Variants in STX16 observed in about 807,000 individuals in gnomAD.
The protein encoded by STX16 is syntaxin-16.
A neutral mutation model predicts 42.7 loss-of-function variants in STX16; 28 were observed. The observed-to-expected ratio is 0.66, with a 90% CI of 0.49 to 0.90. The LOEUF (loss-of-function observed/expected upper bound fraction) is 0.90. Among genes scored for constraint, STX16 ranks in the 40% least tolerant of loss-of-function variants. The pLI, the probability that STX16 is intolerant of heterozygous loss-of-function variation, is 0.00. For missense variants in STX16, 361 were observed against 420.9 expected (o/e 0.86, Z 1.24); for synonymous variants, 156 against 155.2 (o/e 1.00, Z -0.04).
rs2083976245 is a variant in STX16, at chr20:58,671,478, T to G, written c.792+181T>G. Among the ~76,000 whole-genome samples the G allele has an allele frequency of 1.1e-4, 4 of 35,686 alleles. No homozygotes were observed. In the South Asian group the frequency reaches 3.1e-3, roughly 28 times the overall value. 23.4% of individuals were successfully genotyped at this position (35,686 alleles called of 152,430 possible). A position where few individuals can be genotyped will look rare whatever the true frequency, so the allele number is the denominator to read the frequency against. On this transcript the variant is annotated intron_variant, in intron 7 of 8. Coordinates refer to ENST00000371141, the MANE Select transcript of STX16 (RefSeq NM_001001433.3). The stretch of plus-strand genomic sequence containing the variant: ...TGTGTGTGTGTGTGTGTGTGTATAT[T>G]AATATTAATCAAATATTAAATTTGA...
intron 6 of STX16, 72 bp from the exon 7 acceptor site, chr20:58,671,082 C>A: frequency 7.4e-7 from 1 of 1,352,554 alleles, no homozygotes; most frequent in Non-Finnish European, 1.0e-6. Flanking sequence ...TAAATTATAT[C>A]TAAACAAGTA....
chr20:58,655,048 A>C (rs935009853), intron 1 of STX16, among the ~76,000 whole-genome samples: 1 of 152,232 alleles, frequency 6.6e-6, no homozygotes, highest in African/African-American at 2.4e-5. Flanking sequence ...CACTCAGGCA[A>C]TTTGAAAGGA....
intron 5 of STX16, among the ~76,000 whole-genome samples, chr20:58,669,872 T>C (rs2083929150): frequency 6.6e-6 from 1 of 152,226 alleles, no homozygotes; most frequent in Admixed American, 6.5e-5. Flanking sequence ...TGAGAGCACC[T>C]GAGAAAACCT....
chr20:58,667,536 C>G lies in STX16; in HGVS notation c.191C>G (p.Pro64Arg). The change falls in exon 3 of 9, where the codon CCA (proline) becomes CGA (arginine). Residue 64 changes from proline to arginine, a missense_variant. By Grantham distance (103) the Pro-to-Arg change is moderately radical. Coordinates refer to ENST00000371141, the MANE Select transcript of STX16 (RefSeq NM_001001433.3). Reference sequence around the variant, plus strand: ...CTGGTGTCAGGCATCAGCTTAGATCCAGAAGCAGCGATTGGTGTGACAAAA... The same window carrying G: ...CTGGTGTCAGGCATCAGCTTAGATCGAGAAGCAGCGATTGGTGTGACAAAA... ...MALVSGISLD[P>R]EAAIGVTKRP... is the part of the protein sequence containing the mutation. The G allele has an allele frequency of 6.2e-7, 1 of 1,614,104 alleles. No individual in the cohort carries two copies. Among genetic ancestry groups the G allele is most frequent in the Non-Finnish European group, 8.5e-7 (1 of 1,180,020 alleles).
intron 1 of STX16, 46 bp from the exon 2 acceptor site, chr20:58,659,577 C>T (rs777293998): frequency 7.7e-5 from 123 of 1,596,506 alleles, no homozygotes; most frequent in Non-Finnish European, 9.8e-5. Flanking sequence ...TTTCTTTGTG[C>T]TTTCCCCAAC....
At chr20:58,662,510 CATTTAT>C (rs1383774323) in intron 2 of STX16, among the ~76,000 whole-genome samples, 2 of 151,992 alleles carry the variant, frequency 1.3e-5, no homozygotes, top group Non-Finnish European at 2.9e-5. Flanking sequence ...TTTTTTGTAT[CATTTAT>C]TTTTATTTTT....
chr20:58,678,412 G>A lies in STX16; in HGVS notation c.*2121G>A, dbSNP rs1356090285. 1 of 152,090 alleles carries A rather than the reference G, an allele frequency of 6.6e-6. No homozygotes were observed. The highest frequency in any genetic ancestry group is 1.5e-5 in the Non-Finnish European group (1 of 68,072). The allele number at this position is 152,090 out of a possible 1,614,324, so 9.4% of individuals were successfully genotyped here. On this transcript the variant is annotated 3_prime_UTR_variant, in exon 9 of 9. Coordinates refer to ENST00000371141, the MANE Select transcript of STX16 (RefSeq NM_001001433.3). ...TCACGCCTGTAATCCCAGACTTTGA[G>A]AGGCCAAGGCGGTCACGAGGTCAGG...
intron 6 of STX16, 34 bp from the exon 7 acceptor site, chr20:58,671,120 A>T: frequency 5.8e-6 from 9 of 1,564,360 alleles, no homozygotes; most frequent in Non-Finnish European, 7.8e-6. Flanking sequence ...GAGGGAAAAC[A>T]ATCTATCCAA....
chr20:58,668,259 G>A, intron 4 of STX16, 132 bp downstream of exon 4: 1 of 1,161,728 alleles, frequency 8.6e-7, no homozygotes, highest in Middle Eastern at 2.8e-4. Flanking sequence ...ACCTCAAGAG[G>A]CCCTGAAGTC....
Position 58,657,167 on chromosome 20 carries a change from T to C in STX16, c.133-2456T>C, listed in dbSNP as rs1364308848. On this transcript the variant is annotated intron_variant, in intron 1 of 8. Coordinates refer to ENST00000371141, the MANE Select transcript of STX16 (RefSeq NM_001001433.3). This position sits in a 1 kb window ranked among gnomAD's most constrained non-coding sequence, Gnocchi z 4.2. Reference sequence around the variant, plus strand: ...GCTAGCATCTTTCTTTATCTCACTTTATGAACCTTACATAGTCAATTTTAA... The same window carrying C: ...GCTAGCATCTTTCTTTATCTCACTTCATGAACCTTACATAGTCAATTTTAA... Among the ~76,000 whole-genome samples the C allele has an allele frequency of 6.6e-6, 1 of 152,262 alleles. No homozygotes were observed. The highest frequency in any genetic ancestry group is 1.9e-4 in the East Asian group (1 of 5,204).
Position 58,671,426 on chromosome 20 carries a change from ATGTGTGTGTGGGTGTG to A in STX16, c.792+140_792+155del, listed in dbSNP as rs1265565804. Reference sequence around the variant, plus strand: ...CAACATGTGTGTGCACCTGTCCTTTATGTGTGTGTGGGTGTGTGTGTGTGTGTGTGTGTGTGTGTGT... The same window carrying A: ...CAACATGTGTGTGCACCTGTCCTTTATGTGTGTGTGTGTGTGTGTGTGTGT... On this transcript the variant is annotated intron_variant, in intron 7 of 8. Coordinates refer to ENST00000371141, the MANE Select transcript of STX16 (RefSeq NM_001001433.3). 1.6e-4 allele frequency: 77 copies of A among 476,886 alleles called. 1 individual carries two copies. Among genetic ancestry groups the A allele is most frequent in the Middle Eastern group, 5.7e-4 (1 of 1,752 alleles). 29.5% of individuals were successfully genotyped at this position (476,886 alleles called of 1,614,324 possible). A position where few individuals can be genotyped will look rare whatever the true frequency, so the allele number is the denominator to read the frequency against.
rs563546650 is a variant in STX16 at position 58,672,314 on chromosome 20, A to G, written c.792+1017A>G. ...ACCATTGCACTCCAGCCTGGGCAAC[A>G]AGAGTGAAACTCTGTCTCAAAAAAT... On this transcript the variant is annotated intron_variant, in intron 7 of 8. Coordinates refer to ENST00000371141, the MANE Select transcript of STX16 (RefSeq NM_001001433.3). Among the ~76,000 whole-genome samples the G allele has an allele frequency of 3.3e-5, 5 of 152,238 alleles. No homozygotes were observed. In the East Asian group the frequency reaches 9.7e-4, roughly 29 times the overall value.
chr20:58,675,863 A>G (rs956964969), intron 8 of STX16, among the ~76,000 whole-genome samples: 3 of 152,190 alleles, frequency 2.0e-5, no homozygotes, highest in South Asian at 4.1e-4. Context: ...CACGGCCTGC[A>G]GGAGGAAAAG....
intron 1 of STX16, among the ~76,000 whole-genome samples, chr20:58,652,720 C>T (rs1303880029): frequency 6.6e-6 from 1 of 152,086 alleles, no homozygotes; most frequent in Non-Finnish European, 1.5e-5. Context: ...ACTGTTCTTC[C>T]TGGGGGCTTG....
intron 2 of STX16, 111 bp downstream of exon 2, chr20:58,659,745 G>T: frequency 8.7e-7 from 1 of 1,146,226 alleles, no homozygotes; most frequent in Non-Finnish European, 1.3e-6. Flanking sequence ...TACATATTTA[G>T]CATTTGTTTT....
chr20:58,667,976 C>T lies in STX16; in HGVS notation c.253-11C>T, dbSNP rs754389009. 18 of 1,614,060 alleles carry T rather than the reference C, an allele frequency of 1.1e-5. No homozygotes were observed. The Admixed American group carries it at 3.0e-4, about 27-fold the overall frequency. Reference sequence around the variant, plus strand: ...TGGCATCAGTGGAGTTCTGTGACTTCATTTGCTTAGATTCAGTATGATGTT... The same window carrying T: ...TGGCATCAGTGGAGTTCTGTGACTTTATTTGCTTAGATTCAGTATGATGTT... On this transcript the variant is annotated splice_polypyrimidine_tract_variant and intron_variant, in intron 3 of 8. Coordinates refer to ENST00000371141, the MANE Select transcript of STX16 (RefSeq NM_001001433.3).
At chr20:58,660,747 A>C (rs1310406177) in intron 2 of STX16, among the ~76,000 whole-genome samples, 3 of 145,384 alleles carry the variant, frequency 2.1e-5, no homozygotes, top group African/African-American at 7.6e-5. Flanking sequence ...TTTCAGGAAA[A>C]ATAACTCATA....
intron 6 of STX16, 110 bp from the exon 7 acceptor site, chr20:58,671,044 A>G: frequency 8.8e-7 from 1 of 1,139,166 alleles, no homozygotes; most frequent in Non-Finnish European, 1.2e-6. Flanking sequence ...TTCAGAATTC[A>G]TTTTCTTTAA....
chr20:58,673,502 C>T, intron 7 of STX16, 129 bp from the exon 8 acceptor site: 1 of 647,904 alleles, frequency 1.5e-6, no homozygotes. Flanking sequence ...CCGTGTGTAC[C>T]TGCAGCACAC....
Sources: allele counts gnomAD v4.1 joint callset (sites outside exome capture counted in the v4.1 genomes callset), GRCh38; gene constraint gnomAD v4.1.1; non-coding constraint Gnocchi (gnomAD v3.1); transcripts MANE v1.5; gene names NCBI Gene and HGNC (gene_info 2026-07-23, HGNC 2026-07-21).